The following ZNF827 variants were observed in gnomAD, a reference collection of about 807,000 sequenced individuals.
ZNF827 encodes zinc finger protein 827.
Under a neutral mutation model 102.4 loss-of-function variants are expected in ZNF827, and 13 were observed. The ratio of observed to expected loss-of-function variants is 0.13; its 90% CI spans 0.08 to 0.20. The LOEUF is 0.20. Among genes scored for constraint, ZNF827 ranks in the 10% least tolerant of loss-of-function variants. ZNF827 has a pLI of 1.00. For synonymous variants in ZNF827, 523 were observed against 536.2 expected (o/e 0.98, Z 0.34); for missense variants, 1,103 against 1,344.4 (o/e 0.82, Z 2.81).
In ZNF827 at chr4:145,761,203, T is replaced by A. The variant is rs770993116; in HGVS notation, c.*413A>T. 2.4e-4 allele frequency: 313 copies of A among 1,289,714 alleles called. No homozygotes were observed. The highest frequency in any genetic ancestry group is 3.1e-4 in the Non-Finnish European group (309 of 988,876). 79.9% of individuals were successfully genotyped at this position (1,289,714 alleles called of 1,614,324 possible). ...CTCGGGGCAGTCCCCACTCTGGTGC[T>A]TCTTGACGTGGCGGCTGAAGACGAA... On this transcript the variant is annotated 3_prime_UTR_variant, in exon 15 of 15. Transcript: ENST00000508784. The surrounding 1 kb of genome is among the most constrained non-coding windows in gnomAD (Gnocchi z 6.8).
At chr4:145,897,023 A>C (rs1751029565) in intron 2 of ZNF827, among the ~76,000 whole-genome samples, 1 of 152,228 alleles carries the variant, frequency 6.6e-6, no homozygotes, top group African/African-American at 2.4e-5. Context: ...TAAGCAAGAA[A>C]TTCTAAAACA....
Position 145,886,012 on chromosome 4 carries a change from G to C in ZNF827, c.1413C>G (p.Asp471Glu). The change falls in exon 4 of 15, where the codon GAC (aspartate) becomes GAG (glutamate). Residue 471 changes from aspartate to glutamate, a missense_variant. Physicochemically the swap from Asp to Glu is conservative, Grantham distance 45 (BLOSUM62 2). Coordinates refer to ENST00000508784, the MANE Select transcript of ZNF827 (RefSeq NM_001306215.2). ...TEAKVKEEIP[D>E]PDVKGSPHLS... is the part of the protein sequence containing the mutation. ...GGTGGGGAGATCCCTTGACATCTGG[G>C]TCTGGGATCTCCTCCTTCACCTTGG... 6.2e-7 allele frequency: 1 copy of C among 1,614,170 alleles called. No individual in the cohort carries two copies. The highest frequency in any genetic ancestry group is 8.5e-7 in the Non-Finnish European group (1 of 1,180,026).
chr4:145,920,862 C>T (rs971254673), intron 1 of ZNF827, among the ~76,000 whole-genome samples: 4 of 152,302 alleles, frequency 2.6e-5, no homozygotes, highest in South Asian at 4.1e-4. Flanking sequence ...ATTTATTCAG[C>T]ACTATTTATT....
intron 1 of ZNF827, among the ~76,000 whole-genome samples, chr4:145,916,636 C>T (rs1461973496): frequency 1.3e-5 from 2 of 152,204 alleles, no homozygotes; most frequent in African/African-American, 4.8e-5. Flanking sequence ...TCTATGGTTT[C>T]CTCTCCTGAA....
chr4:145,852,710 G>T lies in ZNF827; in HGVS notation c.1982-3149C>A, dbSNP rs553088189. On this transcript the variant is annotated intron_variant, in intron 5 of 14. Transcript: ENST00000508784. ...TGCAGGATGTTTAGCAACATCCTTG[G>T]TCTCTCTACCCACTAGATACCAGTA... is the stretch of plus-strand genomic sequence containing the variant. 3.3e-5 allele frequency among the ~76,000 whole-genome samples: 5 copies of T among 152,148 alleles called. No homozygotes were observed. The South Asian group carries it at 1.0e-3, about 32-fold the overall frequency.
chr4:145,792,096 G>T (rs1579203455), intron 8 of ZNF827, among the ~76,000 whole-genome samples: 1 of 152,210 alleles, frequency 6.6e-6, no homozygotes, highest in African/African-American at 2.4e-5. Context: ...CTATGAGATG[G>T]TGACCTCGTT....
intron 8 of ZNF827, among the ~76,000 whole-genome samples, chr4:145,814,828 C>A (rs1273395078): frequency 6.6e-6 from 1 of 151,416 alleles, no homozygotes; most frequent in South Asian, 2.1e-4. Context: ...GTAATCCCAG[C>A]TACTCAGGAG....
At chr4:145,932,725 C>T (rs1753904286) in intron 1 of ZNF827, among the ~76,000 whole-genome samples, 2 of 152,278 alleles carry the variant, frequency 1.3e-5, no homozygotes, top group South Asian at 4.1e-4. Flanking sequence ...CCACCCGCCT[C>T]GGCCTCCCAA....
chr4:145,823,137 G>T (rs1331795836), intron 8 of ZNF827, among the ~76,000 whole-genome samples: 1 of 152,140 alleles, frequency 6.6e-6, no homozygotes, highest in African/African-American at 2.4e-5. Context: ...TTATTTTCAG[G>T]TTATACTTCA....
At chr4:145,774,696 GA>G (rs757192817) in intron 10 of ZNF827, 24 bp from the exon 11 acceptor site, 5 of 1,605,190 alleles carry the variant, frequency 3.1e-6, no homozygotes. Flanking sequence ...TAAAAGAAAA[GA>G]GGGGGAGAGA....
In ZNF827 at chr4:145,765,788, G is replaced by A. The variant is rs949029459; in HGVS notation, c.2861-50C>T. 1 of 1,569,150 alleles carries A rather than the reference G, an allele frequency of 6.4e-7. No homozygotes were observed. Among genetic ancestry groups the A allele is most frequent in the Admixed American group, 1.8e-5 (1 of 56,840 alleles). ...TCTGTTAATGAGATGAAAATCCTCAGAATTATAGCAACTGAGGGTGACGAG... is the reference window on the plus strand; with the variant it reads ...TCTGTTAATGAGATGAAAATCCTCAAAATTATAGCAACTGAGGGTGACGAG... On this transcript the variant is annotated intron_variant, in intron 11 of 14. Transcript: ENST00000508784. This position sits in a 1 kb window ranked among gnomAD's most constrained non-coding sequence, Gnocchi z 4.7.
At chr4:145,926,587 T>A (rs1753442924) in intron 1 of ZNF827, among the ~76,000 whole-genome samples, 1 of 152,226 alleles carries the variant, frequency 6.6e-6, no homozygotes, top group Admixed American at 6.5e-5. Flanking sequence ...AAGTTTTAAA[T>A]ATTAATTGTT....
At chr4:145,930,402 T>G (rs958405366) in intron 1 of ZNF827, among the ~76,000 whole-genome samples, 4 of 152,192 alleles carry the variant, frequency 2.6e-5, no homozygotes, top group Non-Finnish European at 5.9e-5. Flanking sequence ...CACATCACAA[T>G]TCTAATGGGG....
chr4:145,779,104 T>C (rs890830595), intron 9 of ZNF827, among the ~76,000 whole-genome samples: 12 of 152,364 alleles, frequency 7.9e-5, no homozygotes, highest in Admixed American at 6.5e-4. Flanking sequence ...CAATACATTT[T>C]TTTTAACAGA....
chr4:145,782,639 C>T (rs146110616), intron 8 of ZNF827, among the ~76,000 whole-genome samples: 182 of 152,302 alleles, frequency 1.2e-3, no homozygotes, highest in African/African-American at 4.1e-3. Context: ...AGCCCTTCCT[C>T]ACCTCACAGA....
chr4:145,848,456 C>T (rs1027322143), intron 6 of ZNF827, among the ~76,000 whole-genome samples: 3 of 152,134 alleles, frequency 2.0e-5, no homozygotes, highest in African/African-American at 7.2e-5. Context: ...TAAATGGATG[C>T]TCTAAATGTG....
intron 8 of ZNF827, among the ~76,000 whole-genome samples, chr4:145,788,618 T>C (rs762133909): frequency 8.5e-5 from 13 of 152,176 alleles, no homozygotes; most frequent in Non-Finnish European, 1.9e-4. Flanking sequence ...ATCAGGACTG[T>C]TGTACTGAAC....
intron 3 of ZNF827, among the ~76,000 whole-genome samples, chr4:145,889,806 G>C (rs1750446044): frequency 6.6e-6 from 1 of 152,000 alleles, no homozygotes; most frequent in African/African-American, 2.4e-5. Context: ...GTGAAACCTC[G>C]TCTCTACTAA....
intron 8 of ZNF827, among the ~76,000 whole-genome samples, chr4:145,781,710 G>A (rs141655770): frequency 1.1e-3 from 161 of 152,298 alleles, no homozygotes; most frequent in Non-Finnish European, 2.0e-3. Flanking sequence ...TTGAGTCCAC[G>A]CAGTGGGCAT....
Sources: allele counts gnomAD v4.1 joint callset (sites outside exome capture counted in the v4.1 genomes callset), GRCh38; gene constraint gnomAD v4.1.1; non-coding constraint Gnocchi (gnomAD v3.1); transcripts MANE v1.5; gene names NCBI Gene and HGNC (gene_info 2026-07-23, HGNC 2026-07-21).